The following ITPKB variants were observed in gnomAD, a reference collection of about 807,000 sequenced individuals.
ITPKB encodes the protein IP3 3-kinase B.
A neutral mutation model predicts 69.4 loss-of-function variants in ITPKB; 13 were observed. That is an observed-to-expected ratio of 0.19 (90% confidence interval 0.12 to 0.30). ITPKB has a LOEUF of 0.30. ITPKB is among the 10% of genes least tolerant of loss of function. The pLI is 1.00. For synonymous variants in ITPKB, 584 were observed against 513.7 expected (o/e 1.14, Z -1.85); for missense variants, 1,240 against 1,250.5 (o/e 0.99, Z 0.13).
intron 2 of ITPKB, among the ~76,000 whole-genome samples, chr1:226,669,629 T>C (rs1385708006): frequency 6.6e-6 from 1 of 151,952 alleles, no homozygotes; most frequent in Non-Finnish European, 1.5e-5. Context: ...ACTCAAAGTA[T>C]CAAAAGCAAA....
chr1:226,656,050 T>C (rs551347636), intron 2 of ITPKB, among the ~76,000 whole-genome samples: 1 of 152,368 alleles, frequency 6.6e-6, no homozygotes, highest in Non-Finnish European at 1.5e-5. Flanking sequence ...TTAGGGACTT[T>C]GCAGAAGAAT....
rs145587196 is a variant in ITPKB at position 226,737,720 on chromosome 1, G to A, written c.-205-57C>T. 3.4e-4 allele frequency: 155 copies of A among 449,730 alleles called. 1 individual carries two copies. In the East Asian group the frequency reaches 0.01, roughly 30 times the overall value. The allele number at this position is 449,730 out of a possible 1,614,324, so 27.9% of individuals were successfully genotyped here. Reference sequence around the variant, plus strand: ...CTGGAGGGCGCGCGGGGGGAGTTGGGGGTCGCCTGCAGAACCCAGAGAGAG... The same window carrying A: ...CTGGAGGGCGCGCGGGGGGAGTTGGAGGTCGCCTGCAGAACCCAGAGAGAG... On this transcript the variant is annotated intron_variant, in intron 1 of 7. Coordinates refer to ENST00000429204, the MANE Select transcript of ITPKB (RefSeq NM_002221.4).
At chr1:226,730,180 CCA>C (rs1390691974) in intron 2 of ITPKB, among the ~76,000 whole-genome samples, 1 of 152,160 alleles carries the variant, frequency 6.6e-6, no homozygotes, top group African/African-American at 2.4e-5. Context: ...AGGTAGCCCT[CCA>C]CAGTCAGATG....
In ITPKB at chr1:226,738,741, G is replaced by A. The variant is rs1170415493; in HGVS notation, c.-206+300C>T. 6.6e-6 allele frequency among the ~76,000 whole-genome samples: 1 copy of A among 152,198 alleles called. No homozygotes were observed. On this transcript the variant is annotated intron_variant, in intron 1 of 7. Coordinates refer to ENST00000429204, the MANE Select transcript of ITPKB (RefSeq NM_002221.4). The surrounding 1 kb of genome is among the most constrained non-coding windows in gnomAD (Gnocchi z 4.2). Reference sequence around the variant, plus strand: ...TCCGCATCCCGGGCAGCCTCGCCCGGCGCCAGCAGAGCCGCCCCGAGACCC... The same window carrying A: ...TCCGCATCCCGGGCAGCCTCGCCCGACGCCAGCAGAGCCGCCCCGAGACCC...
chr1:226,737,180 G>T lies in ITPKB; in HGVS notation c.279C>A (p.Ser93Arg), dbSNP rs752436079. The change falls in exon 2 of 8, where the codon AGC becomes AGA. Residue 93 changes from serine (S) to arginine (R), a missense_variant. Physicochemically the swap from Ser to Arg is moderately radical, Grantham distance 110. Transcript: ENST00000429204. Reference protein sequence around the residue: ...NSSSGSGSGSSGSSVSSPSWA... With the variant: ...NSSSGSGSGSRGSSVSSPSWA... ...AACTTGGGCTGCTCACGCTACTGCCGCTGCTGCCGCTGCCACTGCCGCTGC... is the reference window on the plus strand; with the variant it reads ...AACTTGGGCTGCTCACGCTACTGCCTCTGCTGCCGCTGCCACTGCCGCTGC... The T allele has an allele frequency of 4.9e-6, 4 of 822,778 alleles. No homozygotes were observed. The highest frequency in any genetic ancestry group is 6.6e-6 in the Non-Finnish European group (4 of 609,876). The allele number at this position is 822,778 out of a possible 1,614,324, so 51.0% of individuals were successfully genotyped here.
rs16846409 is a variant in ITPKB, at chr1:226,712,610, G to A, written c.1932+22917C>T. 8.8e-3 allele frequency among the ~76,000 whole-genome samples: 1,340 copies of A among 152,292 alleles called. 55 individuals carry two copies. Among genetic ancestry groups the A allele is most frequent in the Admixed American group, 0.059 (895 of 15,294 alleles). On this transcript the variant is annotated intron_variant, in intron 2 of 7. Coordinates refer to ENST00000429204, the MANE Select transcript of ITPKB (RefSeq NM_002221.4). Reference sequence around the variant, plus strand: ...GGAGCGCTCGGCTGGAAGGAAGTGGGCTGGCATTGCCCTAGCCCTGCACTC... The same window carrying A: ...GGAGCGCTCGGCTGGAAGGAAGTGGACTGGCATTGCCCTAGCCCTGCACTC...
In ITPKB at chr1:226,737,068, G is replaced by A. The variant is rs768523232; in HGVS notation, c.391C>T (p.Leu131=). 1 of 1,611,024 alleles carries A rather than the reference G, an allele frequency of 6.2e-7. No homozygotes were observed. The highest frequency in any genetic ancestry group is 8.5e-7 in the Non-Finnish European group (1 of 1,179,930). ...PPGPEEAKRK[L]RILQRELQNV... Reference sequence around the variant, plus strand: ...TGCAACTCGCGCTGCAAGATCCGCAGCTTCCTCTTGGCCTCCTCCGGCCCT... The same window carrying A: ...TGCAACTCGCGCTGCAAGATCCGCAACTTCCTCTTGGCCTCCTCCGGCCCT... Residue 131 remains leucine, a synonymous_variant, in exon 2 of 8, where the codon CTG becomes TTG. Coordinates refer to ENST00000429204, the MANE Select transcript of ITPKB (RefSeq NM_002221.4).
chr1:226,719,930 G>A (rs1200029953), intron 2 of ITPKB, among the ~76,000 whole-genome samples: 2 of 152,220 alleles, frequency 1.3e-5, no homozygotes, highest in Non-Finnish European at 2.9e-5. Context: ...GTGCCTTGGG[G>A]TGCTCCCCTT....
At chr1:226,676,466 T>C (rs999410893) in intron 2 of ITPKB, 2 of 152,190 alleles carry the variant, frequency 1.3e-5, no homozygotes, top group African/African-American at 4.8e-5. Context: ...ATCCCCCCAA[T>C]TCCCCTACCG....
chr1:226,707,641 A>G (rs1379063102), intron 2 of ITPKB: 1 of 1,004,714 alleles, frequency 1.0e-6, no homozygotes, highest in African/African-American at 1.7e-5. Flanking sequence ...CACATGAGTA[A>G]CTCAAGGCCA....
rs535299941 is a variant in ITPKB at position 226,648,401 on chromosome 1, C to T, written c.2032+271G>A. ...GGGAAGAGAGACAGAAAGAAAGAGACTGGAAGAGACAGAGATAAGAGCCAG... is the reference window on the plus strand; with the variant it reads ...GGGAAGAGAGACAGAAAGAAAGAGATTGGAAGAGACAGAGATAAGAGCCAG... On this transcript the variant is annotated intron_variant, in intron 3 of 7. Coordinates refer to ENST00000429204, the MANE Select transcript of ITPKB (RefSeq NM_002221.4). Among the ~76,000 whole-genome samples the T allele has an allele frequency of 2.0e-5, 3 of 152,218 alleles. No homozygotes were observed. In the East Asian group the frequency reaches 5.8e-4, roughly 29 times the overall value.
chr1:226,646,971 G>A (rs1669075661), intron 4 of ITPKB, among the ~76,000 whole-genome samples, 196 bp downstream of exon 4: 1 of 152,208 alleles, frequency 6.6e-6, no homozygotes, highest in African/African-American at 2.4e-5. Context: ...GGCCATCATG[G>A]GCAAAGCCCA....
chr1:226,692,367 C>T (rs993191685), intron 2 of ITPKB, among the ~76,000 whole-genome samples: 1 of 152,154 alleles, frequency 6.6e-6, no homozygotes, highest in African/African-American at 2.4e-5. Flanking sequence ...AAAGGAAGAT[C>T]ATCCCAGCTG....
intron 4 of ITPKB, among the ~76,000 whole-genome samples, chr1:226,643,254 C>T (rs1668998970): frequency 6.6e-6 from 1 of 152,140 alleles, no homozygotes; most frequent in Non-Finnish European, 1.5e-5. Context: ...CACGCCACCT[C>T]CCCCAGCACA....
chr1:226,669,451 T>C (rs1046889583), intron 2 of ITPKB, among the ~76,000 whole-genome samples: 3 of 151,722 alleles, frequency 2.0e-5, no homozygotes, highest in Admixed American at 2.0e-4. Context: ...GCACCACTGA[T>C]TCAGCTTCCC....
chr1:226,647,308 C>T lies in ITPKB; in HGVS notation c.2105G>A (p.Arg702Gln), dbSNP rs1275187394. The T allele has an allele frequency of 8.7e-6, 14 of 1,614,090 alleles. No individual in the cohort carries two copies. The highest frequency in any genetic ancestry group is 4.5e-5 in the East Asian group (2 of 44,896). The change falls in exon 4 of 8, where the codon CGG becomes CAG. Residue 702 changes from arginine (R) to glutamine (Q), a missense_variant. Around this residue, in one of 2 missense-constraint regions of ITPKB, gnomAD observed 248 missense variants for 396.7 expected, o/e 0.63. Coordinates refer to ENST00000429204, the MANE Select transcript of ITPKB (RefSeq NM_002221.4). ...GGGCCTCAGCACATCCACCATCAGC[C>T]GGTCCAGGCAGCGCTGCTCTGACTC... The part of the protein sequence containing the change: ...HCESEQRCLD[R>Q]LMVDVLRPFV...
chr1:226,712,170 G>A (rs2102637917), intron 2 of ITPKB, among the ~76,000 whole-genome samples: 1 of 152,218 alleles, frequency 6.6e-6, no homozygotes, highest in African/African-American at 2.4e-5. Context: ...GTAAGGGCAG[G>A]GTTTAAACCA....
intron 2 of ITPKB, among the ~76,000 whole-genome samples, chr1:226,726,598 C>T (rs1430934773): frequency 6.9e-6 from 1 of 144,752 alleles, no homozygotes; most frequent in Non-Finnish European, 1.5e-5. Flanking sequence ...ATCTCTTGAG[C>T]TGGAGAGATC....
chr1:226,650,674 A>C (rs1310627804), intron 2 of ITPKB, among the ~76,000 whole-genome samples: 1 of 152,272 alleles, frequency 6.6e-6, no homozygotes, highest in Non-Finnish European at 1.5e-5. Context: ...ACATCCCTGC[A>C]GCAGAGCTCA....
Sources: allele counts gnomAD v4.1 joint callset (sites outside exome capture counted in the v4.1 genomes callset), GRCh38; gene constraint gnomAD v4.1.1; regional missense constraint gnomAD v4.1.1; non-coding constraint Gnocchi (gnomAD v3.1); transcripts MANE v1.5; gene names NCBI Gene and HGNC (gene_info 2026-07-23, HGNC 2026-07-21).